The following TRAFD1 variants were observed in gnomAD, a reference collection of about 807,000 sequenced individuals.
TRAFD1 encodes the protein TRAF-type zinc finger domain containing 1.
TRAFD1 carries 38 observed loss-of-function variants against 65.3 expected under a neutral mutation model. The ratio of observed to expected loss-of-function variants is 0.58; its 90% CI spans 0.45 to 0.76. The LOEUF (loss-of-function observed/expected upper bound fraction) is 0.76, where lower values mean the gene tolerates loss of function less well. Among genes scored for constraint, TRAFD1 ranks in the 30% least tolerant of loss-of-function variants. The pLI is 0.00. For synonymous variants in TRAFD1, 223 were observed against 257.2 expected (o/e 0.87, Z 1.27); for missense variants, 631 against 712.6 (o/e 0.89, Z 1.30).
chr12:112,132,065 C>T (rs1270846540), intron 2 of TRAFD1, among the ~76,000 whole-genome samples: 2 of 152,022 alleles, frequency 1.3e-5, no homozygotes, highest in Non-Finnish European at 2.9e-5. Flanking sequence ...TTAGTGTCTC[C>T]ATATTTACCA....
Position 112,152,733 on chromosome 12 carries a change from A to C in TRAFD1, c.1693-2A>C. ...CTTCGTTTGTGTTGTGTTGTTCACC[A>C]GGCAAAGCCTTCCAAGCAACAGGGA... is the stretch of plus-strand genomic sequence containing the variant. On this transcript the variant is annotated splice_acceptor_variant, in intron 11 of 11. Transcript: ENST00000412615. LOFTEE classifies it high-confidence loss of function. This position sits in a 1 kb window ranked among gnomAD's most constrained non-coding sequence, Gnocchi z 5.0. 1.2e-6 allele frequency: 2 copies of C among 1,614,240 alleles called. No individual in the cohort carries two copies. The highest frequency in any genetic ancestry group is 4.5e-5 in the East Asian group (2 of 44,892).
chr12:112,136,707 A>T (rs960516404), intron 4 of TRAFD1, among the ~76,000 whole-genome samples: 1 of 152,140 alleles, frequency 6.6e-6, no homozygotes, highest in African/African-American at 2.4e-5. Context: ...CAAATGATCT[A>T]CCTGCATAGG....
chr12:112,140,064 A>G, intron 4 of TRAFD1: 1 of 255,408 alleles, frequency 3.9e-6, no homozygotes, highest in Non-Finnish European at 8.0e-6. Context: ...TACAAATATG[A>G]AGGTTAGAGA....
At position 112,149,739 on chromosome 12, in the gene TRAFD1, T is replaced by C. The variant is rs766186145; in HGVS notation, c.1159-12T>C. 1 of 1,613,890 alleles carries C rather than the reference T, an allele frequency of 6.2e-7. No homozygotes were observed. Among genetic ancestry groups the C allele is most frequent in the Non-Finnish European group, 8.5e-7 (1 of 1,179,868 alleles). ...CAATTCAGAGGTACTAATTCTGGTT[T>C]TTCTTGTTTAGGACCAGTGTGACCA... is the stretch of plus-strand genomic sequence containing the variant. On this transcript the variant is annotated splice_polypyrimidine_tract_variant and intron_variant, in intron 8 of 11. Coordinates refer to ENST00000412615, the MANE Select transcript of TRAFD1 (RefSeq NM_006700.3).
rs973747218 is a variant in TRAFD1, at chr12:112,137,188, A to C, written c.237+2122A>C. Among the ~76,000 whole-genome samples the C allele has an allele frequency of 6.6e-6, 1 of 152,094 alleles. No individual in the cohort carries two copies. Among genetic ancestry groups the C allele is most frequent in the African/African-American group, 2.4e-5 (1 of 41,406 alleles). ...CAGTGAGCCGAGATCGTGCCATTGC[A>C]CTCCAGCCTGGGTGACAGGGTGAGA... On this transcript the variant is annotated intron_variant, in intron 4 of 11. Coordinates refer to ENST00000412615, the MANE Select transcript of TRAFD1 (RefSeq NM_006700.3). The surrounding 1 kb of genome is among the most constrained non-coding windows in gnomAD (Gnocchi z 4.2).
At chr12:112,149,663 G>C in intron 8 of TRAFD1, 88 bp from the exon 9 acceptor site, 1 of 1,550,374 alleles carries the variant, frequency 6.5e-7, no homozygotes, top group Admixed American at 1.8e-5. Flanking sequence ...CCCTCCAGAT[G>C]AGGAATACAC....
In TRAFD1 at chr12:112,151,827, G is replaced by A. The variant is rs2030414615; in HGVS notation, c.1306G>A (p.Asp436Asn). 1.2e-6 allele frequency: 2 copies of A among 1,613,994 alleles called. No homozygotes were observed. Among genetic ancestry groups the A allele is most frequent in the Non-Finnish European group, 1.7e-6 (2 of 1,179,870 alleles). The part of the protein sequence containing the change: ...QGDLSSGYLD[D>N]TKQETANGPT... ...AGACCTGTCTTCTGGTTACCTGGATGATACTAAGCAGGAAACAGCTAATGG... is the reference window on the plus strand; with the variant it reads ...AGACCTGTCTTCTGGTTACCTGGATAATACTAAGCAGGAAACAGCTAATGG... The change falls in exon 10 of 12, where the codon GAT (aspartate) becomes AAT (asparagine). Residue 436 changes from aspartate (D) to asparagine (N), a missense_variant. Physicochemically the swap from Asp to Asn is conservative, Grantham distance 23 (BLOSUM62 1). Coordinates refer to ENST00000412615, the MANE Select transcript of TRAFD1 (RefSeq NM_006700.3).
chr12:112,143,233 C>T (rs193079943), intron 6 of TRAFD1, among the ~76,000 whole-genome samples: 6 of 152,324 alleles, frequency 3.9e-5, no homozygotes, highest in African/African-American at 1.4e-4. Flanking sequence ...GCGCCCACCA[C>T]TACACCCGGC....
intron 7 of TRAFD1, among the ~76,000 whole-genome samples, chr12:112,146,858 C>T (rs773502528): frequency 1.1e-4 from 17 of 152,060 alleles, no homozygotes; most frequent in Non-Finnish European, 1.6e-4. Context: ...TTCCCAGTTT[C>T]GGAATCTCTA....
At chr12:112,145,724 C>A in intron 7 of TRAFD1, 62 bp downstream of exon 7, 1 of 1,474,074 alleles carries the variant, frequency 6.8e-7, no homozygotes, top group Non-Finnish European at 9.5e-7. Flanking sequence ...ATTGGTGTTG[C>A]AGGCCACATG....
chr12:112,130,947 T>C lies in TRAFD1; in HGVS notation c.47+378T>C, dbSNP rs1280335704. On this transcript the variant is annotated intron_variant, in intron 2 of 11. Transcript: ENST00000412615. The surrounding 1 kb of genome is among the most constrained non-coding windows in gnomAD (Gnocchi z 4.4). ...GTGCTATGTTTACCTTAGCAAACTG[T>C]GGTAGAAAGAGATGTGGAATAAGGA... 3.9e-5 allele frequency among the ~76,000 whole-genome samples: 6 copies of C among 152,220 alleles called. No individual in the cohort carries two copies. The highest frequency in any genetic ancestry group is 8.8e-5 in the Non-Finnish European group (6 of 68,028).
intron 2 of TRAFD1, among the ~76,000 whole-genome samples, chr12:112,133,666 T>C (rs1045265181): frequency 1.3e-5 from 2 of 152,056 alleles, no homozygotes; most frequent in African/African-American, 4.8e-5. Context: ...ATAGCACCGG[T>C]AACTCAGAAT....
In TRAFD1 at chr12:112,147,954, C is replaced by T. The variant is rs1373859933; in HGVS notation, c.928-120C>T. ...AAAGTGCTGGGATTACAGGCGTGAGCCACCGCGCCCGGCCAAGCATTGTTA... is the reference window on the plus strand; with the variant it reads ...AAAGTGCTGGGATTACAGGCGTGAGTCACCGCGCCCGGCCAAGCATTGTTA... On this transcript the variant is annotated intron_variant, in intron 7 of 11. Transcript: ENST00000412615. The T allele has an allele frequency of 1.0e-5, 9 of 904,222 alleles. No individual in the cohort carries two copies. The African/African-American group carries it at 1.5e-4, about 15-fold the overall frequency. 56.0% of individuals were successfully genotyped at this position (904,222 alleles called of 1,614,324 possible).
In TRAFD1 at chr12:112,149,736, G is replaced by T. The variant is rs758289846; in HGVS notation, c.1159-15G>T. 1.9e-6 allele frequency: 3 copies of T among 1,613,800 alleles called. No homozygotes were observed. Among genetic ancestry groups the T allele is most frequent in the South Asian group, 2.2e-5 (2 of 91,072 alleles). ...ACTCAATTCAGAGGTACTAATTCTG[G>T]TTTTTCTTGTTTAGGACCAGTGTGA... On this transcript the variant is annotated splice_polypyrimidine_tract_variant and intron_variant, in intron 8 of 11. Coordinates refer to ENST00000412615, the MANE Select transcript of TRAFD1 (RefSeq NM_006700.3).
At chr12:112,142,997 A>C (rs1193834072) in intron 6 of TRAFD1, among the ~76,000 whole-genome samples, 1 of 150,556 alleles carries the variant, frequency 6.6e-6, no homozygotes, top group African/African-American at 2.4e-5. Flanking sequence ...GGCTCACTGC[A>C]ACCTCTGCCT....
chr12:112,132,520 A>C (rs1300104641), intron 2 of TRAFD1, among the ~76,000 whole-genome samples: 1 of 152,236 alleles, frequency 6.6e-6, no homozygotes, highest in Non-Finnish European at 1.5e-5. Context: ...GAAAGCTAAA[A>C]ATTTGAGAGA....
At chr12:112,141,411 A>G (rs1324937762) in intron 5 of TRAFD1, 187 bp downstream of exon 5, 13 of 675,394 alleles carry the variant, frequency 1.9e-5, no homozygotes, top group Non-Finnish European at 9.8e-6. Context: ...AGGGTTCATA[A>G]TGGTGAGTAT....
intron 4 of TRAFD1, among the ~76,000 whole-genome samples, chr12:112,136,848 T>C (rs926682900): frequency 4.6e-5 from 7 of 152,230 alleles, no homozygotes; most frequent in Non-Finnish European, 7.3e-5. Flanking sequence ...CCTTCTTGGC[T>C]TTCCCAAATG....
At chr12:112,141,261 T>C in intron 5 of TRAFD1, 37 bp downstream of exon 5, 1 of 1,598,268 alleles carries the variant, frequency 6.3e-7, no homozygotes. Context: ...TAGAATGGTA[T>C]CAAAATCCCA....
Sources: allele counts gnomAD v4.1 joint callset (sites outside exome capture counted in the v4.1 genomes callset), GRCh38; gene constraint gnomAD v4.1.1; non-coding constraint Gnocchi (gnomAD v3.1); transcripts MANE v1.5; gene names NCBI Gene and HGNC (gene_info 2026-07-23, HGNC 2026-07-21).